Variants in SGPP2 observed in about 807,000 individuals in gnomAD.
SGPP2 encodes sphingosine 1-phosphate phosphohydrolase 2.
In SGPP2, 30 loss-of-function variants were observed where a neutral mutation model predicts 33.9. That is an observed-to-expected ratio of 0.89 (90% confidence interval 0.66 to 1.20). The LOEUF (loss-of-function observed/expected upper bound fraction) is 1.20, where lower values mean the gene tolerates loss of function less well. Ranked by LOEUF, SGPP2 falls within the 50% of genes most tolerant of loss-of-function variation. SGPP2 has a pLI of 0.00. For synonymous variants in SGPP2, 233 were observed against 225.0 expected (o/e 1.04, Z -0.32); for missense variants, 458 against 532.1 (o/e 0.86, Z 1.37).
Position 222,550,999 on chromosome 2 carries a change from G to C in SGPP2, c.649-7348G>C, listed in dbSNP as rs891207821. On this transcript the variant is annotated intron_variant, in intron 4 of 4. Coordinates refer to ENST00000321276, the MANE Select transcript of SGPP2 (RefSeq NM_152386.4). The surrounding 1 kb of genome is among the most constrained non-coding windows in gnomAD (Gnocchi z 4.5). ...TATATTTTGTATACTTTGTAGTCTA[G>C]TTATACTTCTCTATGGGAAGGAGTT... Among the ~76,000 whole-genome samples the C allele has an allele frequency of 4.6e-5, 7 of 151,230 alleles. No individual in the cohort carries two copies. The highest frequency in any genetic ancestry group is 1.0e-4 in the Non-Finnish European group (7 of 67,988).
At chr2:222,483,449 A>G (rs1698059942) in intron 2 of SGPP2, among the ~76,000 whole-genome samples, 2 of 152,196 alleles carry the variant, frequency 1.3e-5, no homozygotes, top group South Asian at 4.1e-4. Flanking sequence ...GTGGTTTTTC[A>G]GTATCTTTCA....
intron 2 of SGPP2, among the ~76,000 whole-genome samples, chr2:222,478,635 T>C (rs547296882): frequency 6.6e-6 from 1 of 152,336 alleles, no homozygotes; most frequent in South Asian, 2.1e-4. Flanking sequence ...CAAAACTCAC[T>C]GGAAGGCAAC....
chr2:222,511,252 G>A (rs1377360913), intron 2 of SGPP2, among the ~76,000 whole-genome samples: 1 of 152,176 alleles, frequency 6.6e-6, no homozygotes, highest in Non-Finnish European at 1.5e-5. Context: ...TGGTTCCCTG[G>A]AAAACCTTTT....
At chr2:222,552,641 A>T (rs1020079417) in intron 4 of SGPP2, among the ~76,000 whole-genome samples, 1 of 152,108 alleles carries the variant, frequency 6.6e-6, no homozygotes, top group African/African-American at 2.4e-5. Flanking sequence ...TGGGCGGATC[A>T]CCTGAGGTTG....
intron 4 of SGPP2, among the ~76,000 whole-genome samples, chr2:222,529,843 G>C (rs1352267366): frequency 6.6e-6 from 1 of 152,140 alleles, no homozygotes; most frequent in Admixed American, 6.5e-5. Context: ...ACTTTGTCCA[G>C]ATCTATCAGA....
At chr2:222,498,273 C>T (rs1392445707) in intron 2 of SGPP2, 1 of 152,170 alleles carries the variant, frequency 6.6e-6, no homozygotes, top group African/African-American at 2.4e-5. Context: ...TACTATGATG[C>T]TATTAACATT....
Position 222,524,945 on chromosome 2 carries a change from A to G in SGPP2, c.560A>G (p.Tyr187Cys). Residue 187 changes from tyrosine (Y) to cysteine (C), a missense_variant and splice_region_variant, in exon 4 of 5, where the codon TAT (tyrosine) becomes TGT (cysteine). By Grantham distance (194) the Tyr-to-Cys change is radical. Coordinates refer to ENST00000321276, the MANE Select transcript of SGPP2 (RefSeq NM_152386.4). ...TTGTTTTTTCTCCTTCCCCCACAGTATCCATTTGTGTTGGGACTGGTGATG... is the reference window on the plus strand; with the variant it reads ...TTGTTTTTTCTCCTTCCCCCACAGTGTCCATTTGTGTTGGGACTGGTGATG... ...LLISTMDRYQ[Y>C]PFVLGLVMAV... 2.5e-6 allele frequency: 4 copies of G among 1,613,534 alleles called. No homozygotes were observed. Among genetic ancestry groups the G allele is most frequent in the Middle Eastern group, 1.7e-4 (1 of 6,056 alleles).
chr2:222,433,527 G>T (rs7556867), intron 1 of SGPP2, among the ~76,000 whole-genome samples: 3 of 152,124 alleles, frequency 2.0e-5, no homozygotes, highest in African/African-American at 7.2e-5. Flanking sequence ...CATGCCTGGA[G>T]CAACCAGGTA....
At chr2:222,490,795 G>A (rs577175503) in intron 2 of SGPP2, among the ~76,000 whole-genome samples, 30 of 152,206 alleles carry the variant, frequency 2.0e-4, no homozygotes, top group African/African-American at 6.7e-4. Context: ...AGACAGGCAT[G>A]AGCCTTAGTA....
At chr2:222,457,896 C>A (rs1421609075) in intron 1 of SGPP2, among the ~76,000 whole-genome samples, 1 of 152,198 alleles carries the variant, frequency 6.6e-6, no homozygotes, top group Admixed American at 6.5e-5. Context: ...AATGAATGAT[C>A]TAGAGAATTG....
rs1689511804 is a variant in SGPP2 at position 222,560,262 on chromosome 2, A to G, written c.*1364A>G. On this transcript the variant is annotated 3_prime_UTR_variant, in exon 5 of 5. Coordinates refer to ENST00000321276, the MANE Select transcript of SGPP2 (RefSeq NM_152386.4). ...CTTCCTTGACATTGCCTGTCCTGAC[A>G]AGGCCTCCCTGACATTACTCCTCCA... The G allele has an allele frequency of 6.6e-6, 1 of 152,254 alleles. No individual in the cohort carries two copies. Among genetic ancestry groups the G allele is most frequent in the African/African-American group, 2.4e-5 (1 of 41,466 alleles). The allele number at this position is 152,254 out of a possible 1,614,324, so 9.4% of individuals were successfully genotyped here. A position where few individuals can be genotyped will look rare whatever the true frequency, so the allele number is the denominator to read the frequency against.
chr2:222,473,483 C>G (rs909497925), intron 1 of SGPP2, among the ~76,000 whole-genome samples: 2 of 152,056 alleles, frequency 1.3e-5, no homozygotes, highest in Non-Finnish European at 2.9e-5. Flanking sequence ...CCCAGAAAAT[C>G]CAGAATAATC....
intron 2 of SGPP2, among the ~76,000 whole-genome samples, chr2:222,512,028 A>ATTTG (rs71408519): frequency 6.7e-6 from 1 of 149,730 alleles, no homozygotes; most frequent in Non-Finnish European, 1.5e-5. Flanking sequence ...TTATTTATTT[A>ATTTG]TTTTGAGACA....
chr2:222,549,163 G>A (rs1689250571), intron 4 of SGPP2, among the ~76,000 whole-genome samples: 1 of 152,252 alleles, frequency 6.6e-6, no homozygotes, highest in Non-Finnish European at 1.5e-5. Context: ...GAAGATGCCA[G>A]AATCATAGAG....
intron 1 of SGPP2, among the ~76,000 whole-genome samples, chr2:222,466,796 G>A (rs1574845191): frequency 6.6e-6 from 1 of 152,080 alleles, no homozygotes; most frequent in African/African-American, 2.4e-5. Context: ...CTCAAATCAA[G>A]GCAAGAAGTG....
rs775168555 is a variant in SGPP2 at position 222,558,661 on chromosome 2, A to G, written c.963A>G (p.Leu321=). 8.7e-6 allele frequency: 14 copies of G among 1,614,018 alleles called. No individual in the cohort carries two copies. In the Admixed American group the frequency reaches 1.7e-4, roughly 19 times the overall value. Residue 321 remains leucine (L), a synonymous_variant, in exon 5 of 5, where the codon TTA becomes TTG. Coordinates refer to ENST00000321276, the MANE Select transcript of SGPP2 (RefSeq NM_152386.4). ...QNIPPLTTYM[L]VLGLTKFAVG... is the part of the protein sequence containing the mutation. Reference sequence around the variant, plus strand: ...TCCCACCACTCACCACCTACATGTTAGTTTTGGGTCTGACCAAATTTGCAG... The same window carrying G: ...TCCCACCACTCACCACCTACATGTTGGTTTTGGGTCTGACCAAATTTGCAG...
intron 1 of SGPP2, among the ~76,000 whole-genome samples, chr2:222,441,587 A>C (rs1250657746): frequency 6.6e-6 from 1 of 152,164 alleles, no homozygotes; most frequent in African/African-American, 2.4e-5. Context: ...GATGAACCAA[A>C]TGTTTCCAGG....
At chr2:222,497,901 G>A (rs13407071) in intron 2 of SGPP2, among the ~76,000 whole-genome samples, 6,779 of 152,230 alleles carry the variant, frequency 0.045, 518 homozygotes, top group African/African-American at 0.15. Flanking sequence ...AAGTCTTGAC[G>A]GATGAGGAGC....
At chr2:222,499,719 G>C (rs1698337935) in intron 2 of SGPP2, among the ~76,000 whole-genome samples, 2 of 152,230 alleles carry the variant, frequency 1.3e-5, no homozygotes, top group Admixed American at 1.3e-4. Flanking sequence ...GTCCATAGAT[G>C]ATGGGCTGGA....
Sources: gnomAD v4.1 joint callset for allele counts (sites outside exome capture counted in the v4.1 genomes callset) on GRCh38, gnomAD v4.1.1 for gene constraint, Gnocchi (gnomAD v3.1) non-coding constraint, MANE v1.5 for transcripts, NCBI Gene and HGNC (gene_info 2026-07-23, HGNC 2026-07-21) for gene names.